The following DIAPH3 variants were observed in gnomAD, a reference collection of about 807,000 sequenced individuals.
The protein encoded by DIAPH3 is diaphanous related formin 3.
A neutral mutation model predicts 144.3 loss-of-function variants in DIAPH3; 117 were observed. That is an observed-to-expected ratio of 0.81 (90% confidence interval 0.70 to 0.95). The LOEUF (loss-of-function observed/expected upper bound fraction) is 0.95, where lower values mean the gene tolerates loss of function less well. DIAPH3 is among the 40% of genes least tolerant of loss of function. DIAPH3 has a pLI of 0.00. For missense variants in DIAPH3, 1,421 were observed against 1,412.7 expected (o/e 1.01, Z -0.09); for synonymous variants, 519 against 488.9 (o/e 1.06, Z -0.81).
chr13:59,999,722 C>T (rs1390223510), intron 9 of DIAPH3, among the ~76,000 whole-genome samples: 1 of 152,100 alleles, frequency 6.6e-6, no homozygotes, highest in African/African-American at 2.4e-5. Flanking sequence ...GCCTGAGACA[C>T]TTTCACCCCA....
At chr13:59,759,904 G>A (rs112155520) in intron 27 of DIAPH3, among the ~76,000 whole-genome samples, 1,755 of 151,998 alleles carry the variant, frequency 0.012, 50 homozygotes, top group African/African-American at 0.04. Context: ...CCGAGATCGC[G>A]CCCACTGCAC....
At chr13:59,824,750 G>C (rs1593562464) in intron 24 of DIAPH3, among the ~76,000 whole-genome samples, 1 of 152,134 alleles carries the variant, frequency 6.6e-6, no homozygotes, top group East Asian at 1.9e-4. Flanking sequence ...TCCACTTTTT[G>C]TGTGCAATAA....
At chr13:60,052,959 T>TAAAAAAAA (rs559991017) in intron 4 of DIAPH3, among the ~76,000 whole-genome samples, 6,458 of 40,158 alleles carry the variant, frequency 0.16, 735 homozygotes, top group Admixed American at 0.22. Context: ...GACTCCCTCT[T>TAAAAAAAA]AAAAAAAAAA....
intron 1 of DIAPH3, among the ~76,000 whole-genome samples, chr13:60,157,989 C>T (rs912093420): frequency 2.0e-5 from 3 of 152,224 alleles, no homozygotes; most frequent in African/African-American, 4.8e-5. Flanking sequence ...GTCACCAGAA[C>T]TCTGCCCTCT....
At chr13:59,826,491 T>C (rs1246685209) in intron 24 of DIAPH3, among the ~76,000 whole-genome samples, 2 of 150,678 alleles carry the variant, frequency 1.3e-5, no homozygotes, top group African/African-American at 4.9e-5. Flanking sequence ...GAAGGACCTC[T>C]TCAAGGAGAA....
chr13:60,022,197 G>A (rs2054072378), intron 5 of DIAPH3, among the ~76,000 whole-genome samples: 1 of 152,056 alleles, frequency 6.6e-6, no homozygotes, highest in South Asian at 2.1e-4. Flanking sequence ...TCTGCAAATA[G>A]GGACAGTTTT....
rs578064269 is a variant in DIAPH3, at chr13:60,078,411, G to A, written c.495+15217C>T. Among the ~76,000 whole-genome samples the A allele has an allele frequency of 3.4e-4, 51 of 152,188 alleles. No individual in the cohort carries two copies. In the East Asian group the frequency reaches 3.9e-3, roughly 12 times the overall value. On this transcript the variant is annotated intron_variant, in intron 4 of 27. Transcript: ENST00000400324. ...AAGAACAAAAAAAGACTTGAAGTGG[G>A]CAAGGTGGAGGTCAGAATGAACTTT...
In DIAPH3 at chr13:59,724,442, T is replaced by C. The variant is rs76814893; in HGVS notation, c.3319+49747A>G. On this transcript the variant is annotated intron_variant, in intron 27 of 27. Transcript: ENST00000400324. ...CTTATAAATAATGGGGAATAAATGGTACACAAAACTCTTGGTTGGCCTTAC... is the reference window on the plus strand; with the variant it reads ...CTTATAAATAATGGGGAATAAATGGCACACAAAACTCTTGGTTGGCCTTAC... Among the ~76,000 whole-genome samples the C allele has an allele frequency of 1.5e-3, 230 of 152,238 alleles. 2 individuals carry two copies. The highest frequency in any genetic ancestry group is 5.2e-3 in the African/African-American group (216 of 41,554).
At chr13:59,773,546 G>C (rs2038229945) in intron 27 of DIAPH3, among the ~76,000 whole-genome samples, 6 of 151,866 alleles carry the variant, frequency 4.0e-5, no homozygotes, top group Admixed American at 3.3e-4. Flanking sequence ...TAACACAGAG[G>C]GAAAAAAACA....
intron 17 of DIAPH3, among the ~76,000 whole-genome samples, chr13:59,957,675 G>C (rs1046225232): frequency 1.3e-5 from 2 of 151,690 alleles, no homozygotes; most frequent in African/African-American, 4.9e-5. Flanking sequence ...ACAAACAACT[G>C]GTCAATTTTA....
chr13:59,909,757 C>T (rs1027345770), intron 20 of DIAPH3, among the ~76,000 whole-genome samples: 2 of 152,140 alleles, frequency 1.3e-5, no homozygotes, highest in African/African-American at 4.8e-5. Flanking sequence ...GGAATGTGTA[C>T]ATTCCAGATT....
intron 17 of DIAPH3, among the ~76,000 whole-genome samples, chr13:59,927,224 T>G (rs530203936): frequency 6.6e-6 from 1 of 152,246 alleles, no homozygotes; most frequent in Admixed American, 6.5e-5. Context: ...ACAGGTGAAG[T>G]GAGTTATTGT....
chr13:60,159,927 G>GA (rs1333814426), intron 1 of DIAPH3, among the ~76,000 whole-genome samples: 6 of 151,926 alleles, frequency 3.9e-5, no homozygotes, highest in Admixed American at 1.3e-4. Context: ...AGGACAAGGT[G>GA]AAAAAATCTC....
rs142438095 is a variant in DIAPH3 at position 60,149,302 on chromosome 13, T to C, written c.180+14285A>G. 2.0e-3 allele frequency among the ~76,000 whole-genome samples: 302 copies of C among 152,280 alleles called. 3 individuals are homozygous for C. Among genetic ancestry groups the C allele is most frequent in the African/African-American group, 7.0e-3 (292 of 41,548 alleles). On this transcript the variant is annotated intron_variant, in intron 1 of 27. Transcript: ENST00000400324. ...AAGAATGGTCGCAGATATAGACAAT[T>C]ACAGCAAGCTCTAGGAAAACTTTCT...
chr13:59,729,810 A>ATTTTTTTTTTTTTTTTTTTTTTTT lies in DIAPH3; in HGVS notation c.3319+44378_3319+44379insAAAAAAAAAAAAAAAAAAAAAAAA, dbSNP rs59987412. On this transcript the variant is annotated intron_variant, in intron 27 of 27. Coordinates refer to ENST00000400324, the MANE Select transcript of DIAPH3 (RefSeq NM_001042517.2). ...TGTGACTTCCGGTGAATACATTAATATTTTTTTTTTTTTTTTTTTGAGATA... is the reference window on the plus strand; with the variant it reads ...TGTGACTTCCGGTGAATACATTAATATTTTTTTTTTTTTTTTTTTTTTTTTTTTTTTTTTTTTTTTTTTGAGATA... 3.7e-4 allele frequency among the ~76,000 whole-genome samples: 50 copies of ATTTTTTTTTTTTTTTTTTTTTTTT among 134,234 alleles called. 7 individuals carry two copies. Among genetic ancestry groups the ATTTTTTTTTTTTTTTTTTTTTTTT allele is most frequent in the African/African-American group, 1.4e-3 (47 of 32,626 alleles). 88.1% of individuals were successfully genotyped at this position (134,234 alleles called of 152,430 possible).
At chr13:59,911,697 G>T in intron 20 of DIAPH3, 38 bp downstream of exon 20, 2 of 1,455,560 alleles carry the variant, frequency 1.4e-6, no homozygotes, top group Non-Finnish European at 9.6e-7. Context: ...CTCTTGTTTG[G>T]CACAGTATAA....
chr13:59,666,998 T>C, intron 27 of DIAPH3, 152 bp from the exon 28 acceptor site: 1 of 967,048 alleles, frequency 1.0e-6, no homozygotes, highest in Non-Finnish European at 1.5e-6. Context: ...GTAAGACAGG[T>C]TTAAAATAAT....
At chr13:59,669,837 C>T (rs1271072364) in intron 27 of DIAPH3, among the ~76,000 whole-genome samples, 1 of 152,176 alleles carries the variant, frequency 6.6e-6, no homozygotes, top group Non-Finnish European at 1.5e-5. Flanking sequence ...TAATTCCTCG[C>T]TCCCTATTTT....
chr13:59,982,736 T>G (rs967084056), intron 13 of DIAPH3, among the ~76,000 whole-genome samples: 6 of 151,732 alleles, frequency 4.0e-5, no homozygotes, highest in Admixed American at 1.3e-4. Flanking sequence ...TAAAATCTCT[T>G]GATAAATGTT....
Sources: allele counts gnomAD v4.1 joint callset (sites outside exome capture counted in the v4.1 genomes callset), GRCh38; gene constraint gnomAD v4.1.1; transcripts MANE v1.5; gene names NCBI Gene and HGNC (gene_info 2026-07-23, HGNC 2026-07-21).